AFF3: variants seen among roughly 807,000 people sequenced by gnomAD.
The protein encoded by AFF3 is AF4/FMR2 family member 3.
AFF3 carries 32 observed loss-of-function variants against 129.7 expected under a neutral mutation model. The observed-to-expected ratio is 0.25, with a 90% CI of 0.19 to 0.33. AFF3 has a LOEUF of 0.33. AFF3 is among the 10% of genes least tolerant of loss of function. The pLI is 1.00. For synonymous variants in AFF3, 644 were observed against 635.4 expected (o/e 1.01, Z -0.20); for missense variants, 1,373 against 1,592.0 (o/e 0.86, Z 2.34).
chr2:100,042,317 G>A (rs887629842), intron 4 of AFF3, among the ~76,000 whole-genome samples: 3 of 152,114 alleles, frequency 2.0e-5, no homozygotes, highest in Non-Finnish European at 4.4e-5. Flanking sequence ...ACCATTATGC[G>A]CCCCGCACTC....
Position 99,672,584 on chromosome 2 carries a change from A to G in AFF3, c.1097T>C (p.Leu366Pro). The G allele has an allele frequency of 6.2e-7, 1 of 1,614,186 alleles. No homozygotes were observed. Among genetic ancestry groups the G allele is most frequent in the Non-Finnish European group, 8.5e-7 (1 of 1,179,990 alleles). The change falls in exon 12 of 25, where the codon CTG becomes CCG. Residue 366 changes from leucine (L) to proline (P), a missense_variant. Around this residue, in one of 9 missense-constraint regions of AFF3, gnomAD observed 413 missense variants for 424.4 expected, o/e 0.97. Coordinates refer to ENST00000672756, the MANE Select transcript of AFF3 (RefSeq NM_001386135.1). The stretch of plus-strand genomic sequence containing the variant: ...ACTGCTTAGCTTAAGGTCATCTTCC[A>G]GCATTCTGAAAGAAGGAACAAAGAG... Reference protein sequence around the residue: ...PDNGTSNTSMLEDDLKLSSDE... With the variant: ...PDNGTSNTSMPEDDLKLSSDE...
At chr2:99,807,489 T>C (rs2105555464) in intron 8 of AFF3, among the ~76,000 whole-genome samples, 1 of 152,342 alleles carries the variant, frequency 6.6e-6, no homozygotes, top group East Asian at 1.9e-4. Context: ...GTCTTTTTGA[T>C]ATTGAGTCCC....
chr2:100,059,996 T>G lies in AFF3; in HGVS notation c.53+44406A>C, dbSNP rs1162719519. Among the ~76,000 whole-genome samples, 3 of 152,152 alleles carry G rather than the reference T, an allele frequency of 2.0e-5. No homozygotes were observed. In the East Asian group the frequency reaches 5.8e-4, roughly 29 times the overall value. On this transcript the variant is annotated intron_variant, in intron 4 of 24. Transcript: ENST00000672756. ...CAAACACAAAATGCCTATGACTAAG[T>G]GTATCCTTCTGATCCACTCGTGTGC...
At chr2:99,668,068 G>A (rs1206399533) in intron 12 of AFF3, among the ~76,000 whole-genome samples, 7 of 151,972 alleles carry the variant, frequency 4.6e-5, no homozygotes, top group South Asian at 2.1e-4. Flanking sequence ...TGAGGCAGGC[G>A]AATGGCGTGA....
chr2:99,628,833 G>A lies in AFF3; in HGVS notation c.1184+20793C>T, dbSNP rs550034593. Among the ~76,000 whole-genome samples, 4 of 150,216 alleles carry A rather than the reference G, an allele frequency of 2.7e-5. No homozygotes were observed. In the East Asian group the frequency reaches 7.9e-4, roughly 30 times the overall value. On this transcript the variant is annotated intron_variant, in intron 13 of 24. Coordinates refer to ENST00000672756, the MANE Select transcript of AFF3 (RefSeq NM_001386135.1). Reference sequence around the variant, plus strand: ...CCTCCCGTGTTCAAGCGATTCTCCTGCCTCAGCCTCCTGACTAGCTGGGAT... The same window carrying A: ...CCTCCCGTGTTCAAGCGATTCTCCTACCTCAGCCTCCTGACTAGCTGGGAT...
intron 2 of AFF3, chr2:100,105,892 A>G: frequency 7.5e-7 from 1 of 1,331,654 alleles, no homozygotes. Flanking sequence ...ACTCCCCGCC[A>G]AAAGGGAGTC....
chr2:99,865,942 C>T (rs1332007038), intron 7 of AFF3, among the ~76,000 whole-genome samples: 3 of 152,202 alleles, frequency 2.0e-5, no homozygotes, highest in Non-Finnish European at 2.9e-5. Context: ...ATTCATTCAA[C>T]AAATATGTTA....
chr2:99,642,280 G>A (rs1684277106), intron 13 of AFF3, among the ~76,000 whole-genome samples: 1 of 151,682 alleles, frequency 6.6e-6, no homozygotes, highest in Admixed American at 6.6e-5. Flanking sequence ...TATACTGAGT[G>A]GTTTTGATCT....
At chr2:99,555,931 A>G (rs1674873503) in intron 22 of AFF3, among the ~76,000 whole-genome samples, 1 of 152,168 alleles carries the variant, frequency 6.6e-6, no homozygotes, top group African/African-American at 2.4e-5. Context: ...TCATGAGGAG[A>G]ATTAGGAAAC....
chr2:99,693,675 A>G (rs540200713), intron 11 of AFF3, among the ~76,000 whole-genome samples: 1 of 152,150 alleles, frequency 6.6e-6, no homozygotes, highest in Non-Finnish European at 1.5e-5. Context: ...TTTTTATCCA[A>G]TGATTCTAAT....
At chr2:99,555,982 A>G (rs1440829785) in intron 22 of AFF3, among the ~76,000 whole-genome samples, 1 of 152,190 alleles carries the variant, frequency 6.6e-6, no homozygotes, top group Non-Finnish European at 1.5e-5. Flanking sequence ...TCTTGACACA[A>G]TGTTACTGAC....
At chr2:99,664,919 A>G (rs1233972872) in intron 12 of AFF3, among the ~76,000 whole-genome samples, 2 of 152,240 alleles carry the variant, frequency 1.3e-5, no homozygotes, top group South Asian at 2.1e-4. Context: ...ATACTGTGAG[A>G]CGGACTAACT....
At chr2:99,893,809 A>T (rs1693745239) in intron 7 of AFF3, among the ~76,000 whole-genome samples, 1 of 152,178 alleles carries the variant, frequency 6.6e-6, no homozygotes, top group South Asian at 2.1e-4. Context: ...CACTATCCTT[A>T]AATTCTATTT....
intron 7 of AFF3, among the ~76,000 whole-genome samples, chr2:99,956,897 A>G (rs764995190): frequency 1.3e-5 from 2 of 152,254 alleles, no homozygotes; most frequent in Non-Finnish European, 2.9e-5. Context: ...GTTCTATGCC[A>G]TAAGAATCAT....
chr2:100,022,455 G>A (rs921636678), intron 4 of AFF3, among the ~76,000 whole-genome samples: 2 of 151,844 alleles, frequency 1.3e-5, no homozygotes, highest in African/African-American at 2.4e-5. Flanking sequence ...CTATCCCCCC[G>A]GCTGGAGTGC....
intron 13 of AFF3, among the ~76,000 whole-genome samples, chr2:99,645,226 C>T (rs922577930): frequency 1.4e-4 from 22 of 151,958 alleles, no homozygotes; most frequent in Non-Finnish European, 7.4e-5. Flanking sequence ...GGGCAGGGCA[C>T]GGGGAGAGCT....
intron 7 of AFF3, among the ~76,000 whole-genome samples, chr2:99,892,111 C>T (rs1392541018): frequency 1.8e-4 from 27 of 152,088 alleles, no homozygotes; most frequent in Admixed American, 1.5e-3. Context: ...CATGAGCCAC[C>T]ACACCCGGCC....
chr2:100,053,646 G>C (rs889520845), intron 4 of AFF3, among the ~76,000 whole-genome samples: 3 of 152,066 alleles, frequency 2.0e-5, no homozygotes, highest in African/African-American at 7.2e-5. Context: ...TCGTCTTTCC[G>C]GCTGAATCAT....
chr2:99,984,836 G>A (rs1018402848), intron 7 of AFF3, among the ~76,000 whole-genome samples: 3 of 152,154 alleles, frequency 2.0e-5, no homozygotes, highest in African/African-American at 7.2e-5. Flanking sequence ...ACAGCTTGCA[G>A]TGTGTGAGGA....
Sources: allele counts gnomAD v4.1 joint callset (sites outside exome capture counted in the v4.1 genomes callset), GRCh38; gene constraint gnomAD v4.1.1; regional missense constraint gnomAD v4.1.1; transcripts MANE v1.5; gene names NCBI Gene and HGNC (gene_info 2026-07-23, HGNC 2026-07-21).